The following SLC7A6 variants were observed in gnomAD, a reference collection of about 807,000 sequenced individuals.
SLC7A6 encodes the protein Y+L amino acid transporter 2.
Under a neutral mutation model 46.6 loss-of-function variants are expected in SLC7A6, and 29 were observed. That is an observed-to-expected ratio of 0.62 (90% CI 0.46 to 0.85). The LOEUF (loss-of-function observed/expected upper bound fraction) is 0.85. Among genes scored for constraint, SLC7A6 ranks in the 40% least tolerant of loss-of-function variants. SLC7A6 has a pLI of 0.00. For synonymous variants in SLC7A6, 276 were observed against 257.3 expected, an observed-to-expected ratio of 1.07 and a Z score of -0.70; for missense variants, 527 against 647.6, an observed-to-expected ratio of 0.81 and a Z score of 2.02.
chr16:68,287,239 A>G (rs1477273160), intron 3 of SLC7A6: 1 of 1,052,624 alleles, frequency 9.5e-7, no homozygotes, highest in Non-Finnish European at 1.2e-6. Flanking sequence ...CAGTTTCCCA[A>G]AGTGCTGGGA....
intron 8 of SLC7A6, 101 bp from the exon 9 acceptor site, chr16:68,296,261 TGG>T: frequency 7.7e-7 from 1 of 1,298,320 alleles, no homozygotes; most frequent in Non-Finnish European, 1.1e-6. Context: ...AGAGGTAATC[TGG>T]TGAAGTGGCA....
chr16:68,277,963 C>T (rs1371266777), intron 3 of SLC7A6, among the ~76,000 whole-genome samples: 2 of 147,882 alleles, frequency 1.4e-5, no homozygotes, highest in South Asian at 2.1e-4. Flanking sequence ...TTTTTGAGAC[C>T]GAGTCTTGCT....
At chr16:68,272,508 C>T (rs1190097575) in intron 2 of SLC7A6, among the ~76,000 whole-genome samples, 3 of 152,190 alleles carry the variant, frequency 2.0e-5, no homozygotes, top group Non-Finnish European at 4.4e-5. Flanking sequence ...TGCTACTCTC[C>T]TTGGCTGAAG....
chr16:68,296,690 T>C lies in SLC7A6; in HGVS notation c.1333T>C (p.Phe445Leu). The C allele has an allele frequency of 1.2e-6, 2 of 1,614,224 alleles. No individual in the cohort carries two copies. Among genetic ancestry groups the C allele is most frequent in the Admixed American group, 1.7e-5 (1 of 60,032 alleles). The stretch of plus-strand genomic sequence containing the variant: ...CGTGTTTCTGGTGATAGTGCCCCTC[T>C]TCACTGACACCATTAATTCCCTCAT... ...CSVFLVIVPL[F>L]TDTINSLIGI... Residue 445 changes from phenylalanine (F) to leucine (L), a missense_variant, in exon 10 of 11, where the codon TTC becomes CTC. By Grantham distance (22) the Phe-to-Leu change is conservative (BLOSUM62 0). Coordinates refer to ENST00000219343, the MANE Select transcript of SLC7A6 (RefSeq NM_003983.6).
chr16:68,283,660 T>C (rs1477455175), intron 3 of SLC7A6, among the ~76,000 whole-genome samples: 1 of 152,216 alleles, frequency 6.6e-6, no homozygotes, highest in African/African-American at 2.4e-5. Context: ...CTGCTTTGGC[T>C]TTCAGTTTGG....
At chr16:68,277,140 AC>A (rs1392799113) in intron 3 of SLC7A6, among the ~76,000 whole-genome samples, 5 of 150,680 alleles carry the variant, frequency 3.3e-5, no homozygotes, top group Non-Finnish European at 5.9e-5. Flanking sequence ...AGGCTGGAGT[AC>A]AATGGCATGA....
Position 68,301,463 on chromosome 16 carries a change from G to A in SLC7A6, c.*4135G>A. The A allele has an allele frequency of 2.0e-6, 3 of 1,500,156 alleles. No homozygotes were observed. The highest frequency in any genetic ancestry group is 1.7e-4 in the Middle Eastern group (1 of 5,736). 92.9% of individuals were successfully genotyped at this position (1,500,156 alleles called of 1,614,324 possible). A position where few individuals can be genotyped will look rare whatever the true frequency, so the allele number is the denominator to read the frequency against. ...GTGATTTTCCTAGGCTACTGCAGGA[G>A]CCCCTTCTCTTCTCAGAAAGGTCTG... On this transcript the variant is annotated 3_prime_UTR_variant, in exon 11 of 11. Coordinates refer to ENST00000219343, the MANE Select transcript of SLC7A6 (RefSeq NM_003983.6).
chr16:68,291,254 C>A lies in SLC7A6; in HGVS notation c.840C>A (p.Leu280=). 4 of 1,614,254 alleles carry A rather than the reference C, an allele frequency of 2.5e-6. No individual in the cohort carries two copies. Among genetic ancestry groups the A allele is most frequent in the Non-Finnish European group, 3.4e-6 (4 of 1,180,052 alleles). Residue 280 remains leucine, a synonymous_variant, in exon 6 of 11, where the codon CTC becomes CTA. Transcript: ENST00000219343. ...AIGISMPIVT[L]IYILTNVAYY... ...GGATTTCTATGCCAATTGTGACGCT[C>A]ATCTACATCCTGACCAATGTGGCCT...
At chr16:68,287,463 TG>T (rs775854729) in intron 3 of SLC7A6, 11 of 1,344,408 alleles carry the variant, frequency 8.2e-6, no homozygotes, top group African/African-American at 1.5e-5. Context: ...TCCCTGGGCC[TG>T]GGGGGAATTC....
intron 9 of SLC7A6, 51 bp from the exon 10 acceptor site, chr16:68,296,576 G>C: frequency 6.2e-7 from 1 of 1,613,478 alleles, no homozygotes; most frequent in Non-Finnish European, 8.5e-7. Context: ...TCTTGCCCAC[G>C]AGCTGTTTCC....
intron 7 of SLC7A6, 101 bp downstream of exon 7, chr16:68,291,762 G>GGT (rs10525504): frequency 0.059 from 31,906 of 541,018 alleles, 81 homozygotes; most frequent in East Asian, 0.11. Context: ...GGGCATATAG[G>GGT]GTGTGTGTGT....
At chr16:68,294,378 A>C (rs1278283744) in intron 7 of SLC7A6, among the ~76,000 whole-genome samples, 1 of 152,136 alleles carries the variant, frequency 6.6e-6, no homozygotes, top group East Asian at 1.9e-4. Context: ...GGATTGGGTG[A>C]GTCTGTTAGT....
chr16:68,295,445 C>G (rs2043143146), intron 8 of SLC7A6, among the ~76,000 whole-genome samples: 1 of 152,166 alleles, frequency 6.6e-6, no homozygotes, highest in Non-Finnish European at 1.5e-5. Flanking sequence ...TAGGCACACA[C>G]CACCAGGCCT....
intron 2 of SLC7A6, among the ~76,000 whole-genome samples, chr16:68,268,879 T>C (rs1026664404): frequency 1.3e-5 from 2 of 151,972 alleles, no homozygotes; most frequent in African/African-American, 4.8e-5. Context: ...TGGTGGCGCA[T>C]GCCTGTAATC....
chr16:68,282,623 ATTTT>A (rs111778880), intron 3 of SLC7A6, among the ~76,000 whole-genome samples: 2 of 137,206 alleles, frequency 1.5e-5, no homozygotes, highest in African/African-American at 5.3e-5. Flanking sequence ...TTCCTTCCAC[ATTTT>A]TTTTTTTTTA....
intron 3 of SLC7A6, chr16:68,284,633 G>C: frequency 1.0e-6 from 1 of 985,294 alleles, no homozygotes; most frequent in Non-Finnish European, 1.2e-6. Flanking sequence ...AGAAGGATCA[G>C]AAGTGAGACC....
At chr16:68,268,040 A>T (rs1019802029) in intron 2 of SLC7A6, among the ~76,000 whole-genome samples, 2 of 152,120 alleles carry the variant, frequency 1.3e-5, no homozygotes, top group African/African-American at 4.8e-5. Flanking sequence ...GGCTCTGCAA[A>T]CCTCTTCATC....
intron 3 of SLC7A6, among the ~76,000 whole-genome samples, chr16:68,286,856 A>G (rs2042945834): frequency 1.3e-5 from 2 of 152,158 alleles, no homozygotes; most frequent in Non-Finnish European, 2.9e-5. Context: ...GAACTTAGAA[A>G]TGGTAGTTAG....
At chr16:68,289,865 C>T (rs2039748254) in intron 4 of SLC7A6, among the ~76,000 whole-genome samples, 1 of 152,112 alleles carries the variant, frequency 6.6e-6, no homozygotes, top group Non-Finnish European at 1.5e-5. Context: ...GAGTCCTTCC[C>T]ATGAGGCTGA....
Sources: gnomAD v4.1 joint callset for allele counts (sites outside exome capture counted in the v4.1 genomes callset) on GRCh38, gnomAD v4.1.1 for gene constraint, MANE v1.5 for transcripts, NCBI Gene and HGNC (gene_info 2026-07-23, HGNC 2026-07-21) for gene names.